The following EMB variants were observed in gnomAD, a reference collection of about 807,000 sequenced individuals.
EMB encodes the protein embigin, also known as embigin homolog.
A neutral mutation model predicts 41.4 loss-of-function variants in EMB; 31 were observed. The ratio of observed to expected loss-of-function variants is 0.75; its 90% CI spans 0.56 to 1.01. EMB has a LOEUF of 1.01. EMB is among the 50% of genes least tolerant of loss of function. EMB has a pLI of 0.00. For missense variants in EMB, 379 were observed against 388.3 expected (o/e 0.98, Z 0.20); for synonymous variants, 137 against 140.4 (o/e 0.98, Z 0.17).
At chr5:50,430,056 G>A (rs1462227187) in intron 1 of EMB, among the ~76,000 whole-genome samples, 1 of 147,998 alleles carries the variant, frequency 6.8e-6, no homozygotes, top group Non-Finnish European at 1.5e-5. Context: ...TTAAAAGAAA[G>A]GCTCCCATAA....
intron 2 of EMB, among the ~76,000 whole-genome samples, chr5:50,414,742 T>C (rs1477346581): frequency 6.6e-6 from 1 of 152,132 alleles, no homozygotes; most frequent in Non-Finnish European, 1.5e-5. Context: ...AAAAATAATA[T>C]TTGATGTCTC....
rs1377844690 is a variant in EMB, at chr5:50,403,220, G to A, written c.835C>T (p.Leu279=). Residue 279 remains leucine, a synonymous_variant, in exon 6 of 9, where the codon CTG becomes TTG. Transcript: ENST00000303221. Reference sequence around the variant, plus strand: ...TTTTGTGTGTACTTTTCACAAAGCAGAATGGTGGCCACTAAAAGAATCACC... The same window carrying A: ...TTTTGTGTGTACTTTTCACAAAGCAAAATGGTGGCCACTAAAAGAATCACC... ...AEVILLVATI[L]LCEKYTQKKK... is the part of the protein sequence containing the mutation. The A allele has an allele frequency of 6.2e-7, 1 of 1,611,480 alleles. No homozygotes were observed. Among genetic ancestry groups the A allele is most frequent in the Admixed American group, 1.7e-5 (1 of 59,692 alleles).
At chr5:50,416,248 A>G (rs1368182419) in intron 2 of EMB, among the ~76,000 whole-genome samples, 17 of 152,238 alleles carry the variant, frequency 1.1e-4, no homozygotes, top group Admixed American at 1.0e-3. Context: ...GAGTGCTGCA[A>G]AAACATCTAT....
chr5:50,402,712 A>T (rs1267246551), intron 6 of EMB, among the ~76,000 whole-genome samples: 1 of 151,874 alleles, frequency 6.6e-6, no homozygotes, highest in Non-Finnish European at 1.5e-5. Flanking sequence ...GTCTCTCTTT[A>T]ATGAGAACTC....
In EMB at chr5:50,423,101, T is replaced by TA. The variant is rs569894607; in HGVS notation, c.196+5042dup. ...GTGTATTTATACTGTGCATACAAAT[T>TA]AAAAAAAAAAAAAGCTAGATTCATA... On this transcript the variant is annotated intron_variant, in intron 2 of 8. Coordinates refer to ENST00000303221, the MANE Select transcript of EMB (RefSeq NM_198449.3). 6.3e-3 allele frequency among the ~76,000 whole-genome samples: 876 copies of TA among 138,634 alleles called. 3 individuals carry two copies. Among genetic ancestry groups the TA allele is most frequent in the Middle Eastern group, 0.019 (5 of 270 alleles). 90.9% of individuals were successfully genotyped at this position (138,634 alleles called of 152,430 possible). A position where few individuals can be genotyped will look rare whatever the true frequency, so the allele number is the denominator to read the frequency against.
At chr5:50,421,466 C>A (rs964568196) in intron 2 of EMB, among the ~76,000 whole-genome samples, 1 of 151,974 alleles carries the variant, frequency 6.6e-6, no homozygotes, top group Non-Finnish European at 1.5e-5. Context: ...ACTAGTTCAA[C>A]CATTGTGGAA....
rs951937744 is a variant in EMB, at chr5:50,426,909, A to G, written c.196+1235T>C. On this transcript the variant is annotated intron_variant, in intron 2 of 8. Coordinates refer to ENST00000303221, the MANE Select transcript of EMB (RefSeq NM_198449.3). ...GACCCAGTAAAAAAGAAAAAAAAAA[A>G]AAAAAACACTTAGGACACAAAGCAC... Among the ~76,000 whole-genome samples, 3 of 151,688 alleles carry G rather than the reference A, an allele frequency of 2.0e-5. 1 individual carries two copies. Among genetic ancestry groups the G allele is most frequent in the African/African-American group, 4.8e-5 (2 of 41,336 alleles).
At chr5:50,432,337 G>T (rs1745733236) in intron 1 of EMB, among the ~76,000 whole-genome samples, 2 of 152,120 alleles carry the variant, frequency 1.3e-5, no homozygotes, top group African/African-American at 4.8e-5. Flanking sequence ...TATACTGATT[G>T]CTATCAACAT....
At chr5:50,409,592 G>A (rs1460479452) in intron 4 of EMB, among the ~76,000 whole-genome samples, 2 of 151,798 alleles carry the variant, frequency 1.3e-5, no homozygotes, top group Non-Finnish European at 2.9e-5. Flanking sequence ...AGGAAGGAAG[G>A]AGGCAGGAAG....
chr5:50,426,079 A>T (rs1355694562), intron 2 of EMB, among the ~76,000 whole-genome samples: 1 of 152,242 alleles, frequency 6.6e-6, no homozygotes, highest in Non-Finnish European at 1.5e-5. Context: ...AACTAATGTC[A>T]TTCTTCTAAA....
At chr5:50,404,918 A>G (rs1745223726) in intron 5 of EMB, among the ~76,000 whole-genome samples, 2 of 151,712 alleles carry the variant, frequency 1.3e-5, no homozygotes, top group Admixed American at 6.6e-5. Context: ...TTGCCTAAGA[A>G]GGAATTTAAT....
chr5:50,403,382 TTATCTTCAGC>T lies in EMB; in HGVS notation c.663_672del (p.Leu222HisfsTer19), dbSNP rs1745198258. 1 of 1,612,562 alleles carries T rather than the reference TTATCTTCAGC, an allele frequency of 6.2e-7. No homozygotes were observed. The highest frequency in any genetic ancestry group is 1.1e-5 in the South Asian group (1 of 91,058). ...TCCCCATCTTCCTCCAAAAGTTGTG[TTATCTTCAGC>T]TTTGTTTCGTTAGCATATGTTCCAT... On this transcript the variant is annotated frameshift_variant, in exon 6 of 9. Coordinates refer to ENST00000303221, the MANE Select transcript of EMB (RefSeq NM_198449.3). LOFTEE classifies it high-confidence loss of function.
chr5:50,401,443 G>C (rs1425913472), intron 7 of EMB, among the ~76,000 whole-genome samples: 2 of 151,954 alleles, frequency 1.3e-5, no homozygotes, highest in Non-Finnish European at 2.9e-5. Flanking sequence ...AGTTGCTCAG[G>C]CCTTCCACTT....
intron 2 of EMB, among the ~76,000 whole-genome samples, chr5:50,426,134 A>G (rs1745607336): frequency 1.3e-5 from 2 of 152,238 alleles, no homozygotes; most frequent in Non-Finnish European, 2.9e-5. Flanking sequence ...GAAACAAGTA[A>G]CTGGGCATTA....
intron 2 of EMB, among the ~76,000 whole-genome samples, chr5:50,419,548 T>TACACACACACACACACACACACACACAC (rs58712109): frequency 6.8e-6 from 1 of 147,102 alleles, no homozygotes; most frequent in Non-Finnish European, 1.5e-5. Context: ...CACACACACA[T>TACACACACACACACACACACACACACAC]ACACACACAC....
upstream of EMB, among the ~76,000 whole-genome samples, chr5:50,442,206 TA>T (rs35569107): frequency 1.4e-3 from 211 of 147,992 alleles, no homozygotes; most frequent in African/African-American, 2.9e-3. Context: ...ATATCGGCGT[TA>T]AAAAAAAAAG....
At chr5:50,437,759 G>C (rs958340316) in intron 1 of EMB, among the ~76,000 whole-genome samples, 1 of 152,130 alleles carries the variant, frequency 6.6e-6, no homozygotes, top group Non-Finnish European at 1.5e-5. Flanking sequence ...TGAGAGGTTA[G>C]TAGGGAAGGG....
intron 1 of EMB, chr5:50,428,670 C>T (rs1486918717): frequency 1.0e-6 from 1 of 985,342 alleles, no homozygotes; most frequent in East Asian, 1.1e-4. Context: ...CACTGGGCAC[C>T]AGGGAACAGA....
In EMB at chr5:50,441,113, ACGCG is replaced by A. The variant is rs1745903248; in HGVS notation, c.35_38del (p.Ala12ValfsTer38). ...ACTGGAGGAGGAGCAGCCGGGGCGT[ACGCG>A]CCCTGGCCTCCAGCAGGCCGGGGAG... is the stretch of plus-strand genomic sequence containing the variant. On this transcript the variant is annotated frameshift_variant, in exon 1 of 9. Transcript: ENST00000303221. LOFTEE classifies it high-confidence loss of function. The A allele has an allele frequency of 2.0e-6, 3 of 1,514,962 alleles. No individual in the cohort carries two copies. The highest frequency in any genetic ancestry group is 2.6e-6 in the Non-Finnish European group (3 of 1,135,452). The allele number at this position is 1,514,962 out of a possible 1,614,324, so 93.8% of individuals were successfully genotyped here. A position where few individuals can be genotyped will look rare whatever the true frequency, so the allele number is the denominator to read the frequency against.
Sources: allele counts gnomAD v4.1 joint callset (sites outside exome capture counted in the v4.1 genomes callset), GRCh38; gene constraint gnomAD v4.1.1; transcripts MANE v1.5; gene names NCBI Gene and HGNC (gene_info 2026-07-23, HGNC 2026-07-21).